The following REDIC1 variants were observed in gnomAD, a reference collection of about 807,000 sequenced individuals.
REDIC1 encodes the protein regulator of DNA class I crossover intermediates 1, also known as HEI10 Interacting Protein 1.
At chr12:39,759,229 T>G in the REDIC1 span, 1 of 152,402 alleles carries the variant, frequency 6.6e-6, no homozygotes, top group African/African-American at 2.4e-5. Context: ...GACTAACCAA[T>G]TTGGAACCCA....
the REDIC1 span, among the ~76,000 whole-genome samples, chr12:39,731,543 C>A: frequency 6.6e-6 from 1 of 152,174 alleles, no homozygotes; most frequent in Non-Finnish European, 1.5e-5. Context: ...AGAGGGGCAC[C>A]CGCCAGATGC....
the REDIC1 span, among the ~76,000 whole-genome samples, chr12:39,672,033 T>A: frequency 6.6e-6 from 1 of 151,964 alleles, no homozygotes; most frequent in Admixed American, 6.6e-5. Context: ...GCACAGGCTA[T>A]GGTGGGTGGG....
At chr12:39,712,463 C>A in the REDIC1 span, among the ~76,000 whole-genome samples, 207 of 105,312 alleles carry the variant, frequency 2.0e-3, 5 homozygotes, top group East Asian at 0.048. Flanking sequence ...CGTATATATA[C>A]GTATGTATAT....
chr12:39,872,175 A>G, the REDIC1 span, among the ~76,000 whole-genome samples: 1 of 152,206 alleles, frequency 6.6e-6, no homozygotes, highest in Admixed American at 6.5e-5. Flanking sequence ...ATAATCAAGA[A>G]AAGGCACCTG....
chr12:39,712,838 T>TAC, the REDIC1 span, among the ~76,000 whole-genome samples: 1 of 121,392 alleles, frequency 8.2e-6, no homozygotes, highest in East Asian at 2.3e-4. Context: ...TATATACATA[T>TAC]ACACGTATAT....
At chr12:39,704,830 C>T in the REDIC1 span, among the ~76,000 whole-genome samples, 1 of 151,944 alleles carries the variant, frequency 6.6e-6, no homozygotes, top group African/African-American at 2.4e-5. Context: ...GAACAAAAAA[C>T]CAAACACCGC....
chr12:39,734,709 T>C, the REDIC1 span, among the ~76,000 whole-genome samples: 1 of 152,224 alleles, frequency 6.6e-6, no homozygotes, highest in Admixed American at 6.5e-5. Flanking sequence ...GAGTTTGAAC[T>C]CTATTCTGTT....
At chr12:39,699,995 A>G in the REDIC1 span, among the ~76,000 whole-genome samples, 3 of 152,234 alleles carry the variant, frequency 2.0e-5, no homozygotes, top group East Asian at 5.8e-4. Context: ...GGGAAAAAAC[A>G]GAGCAGAAAA....
At chr12:39,801,838 T>G in the REDIC1 span, among the ~76,000 whole-genome samples, 1 of 152,178 alleles carries the variant, frequency 6.6e-6, no homozygotes, top group African/African-American at 2.4e-5. Context: ...AAGAAGATTC[T>G]TGGGCTACTT....
the REDIC1 span, among the ~76,000 whole-genome samples, chr12:39,814,057 G>A: frequency 5.3e-5 from 8 of 152,244 alleles, no homozygotes; most frequent in East Asian, 1.9e-4. Context: ...CTTTCAAGAC[G>A]AGGAAAACTG....
chr12:39,627,906 G>T, the REDIC1 span, among the ~76,000 whole-genome samples: 1 of 152,268 alleles, frequency 6.6e-6, no homozygotes, highest in South Asian at 2.1e-4. Flanking sequence ...GGTTTTGAAA[G>T]AAAGTTCATT....
At chr12:39,717,075 C>T in the REDIC1 span, among the ~76,000 whole-genome samples, 2 of 151,022 alleles carry the variant, frequency 1.3e-5, no homozygotes, top group Non-Finnish European at 1.5e-5. Context: ...CATTTATTGC[C>T]ATTTACAAAA....
the REDIC1 span, among the ~76,000 whole-genome samples, chr12:39,805,630 T>C: frequency 7.5e-4 from 114 of 152,294 alleles, no homozygotes; most frequent in African/African-American, 2.7e-3. Context: ...GGAGAAGTTG[T>C]AAATACTGCT....
the REDIC1 span, among the ~76,000 whole-genome samples, chr12:39,672,806 G>A: frequency 1.3e-4 from 20 of 152,170 alleles, no homozygotes; most frequent in African/African-American, 4.6e-4. Context: ...CCAGGGATAT[G>A]TAGATGCAAG....
the REDIC1 span, among the ~76,000 whole-genome samples, chr12:39,722,988 C>T: frequency 6.6e-6 from 1 of 152,054 alleles, no homozygotes; most frequent in Admixed American, 6.6e-5. Context: ...GGATCAGAAA[C>T]TGAGATTGGG....
At chr12:39,640,901 T>C in the REDIC1 span, 1 of 1,354,328 alleles carries the variant, frequency 7.4e-7, no homozygotes, top group Non-Finnish European at 1.0e-6. Flanking sequence ...CTGGCAGTTG[T>C]CTTAAAGGCC....
At chr12:39,711,550 C>T in the REDIC1 span, among the ~76,000 whole-genome samples, 4 of 55,048 alleles carry the variant, frequency 7.3e-5, no homozygotes, top group South Asian at 1.1e-3. Flanking sequence ...TATGTATGTG[C>T]ATACACATGC....
At chr12:39,675,505 A>G in the REDIC1 span, among the ~76,000 whole-genome samples, 1 of 152,166 alleles carries the variant, frequency 6.6e-6, no homozygotes, top group Non-Finnish European at 1.5e-5. Context: ...AGGCCAGCCA[A>G]CTCAGTCCAT....
At chr12:39,894,385 C>T in the REDIC1 span, among the ~76,000 whole-genome samples, 190 of 152,280 alleles carry the variant, frequency 1.2e-3, 4 homozygotes, top group East Asian at 0.025. Flanking sequence ...CAATATTTTT[C>T]TTAAACTTAT....
Sources: gnomAD v4.1 joint callset for allele counts (sites outside exome capture counted in the v4.1 genomes callset) on GRCh38, gnomAD v4.1.1 for gene constraint, MANE v1.5 for transcripts, NCBI Gene and HGNC (gene_info 2026-07-23, HGNC 2026-07-21) for gene names.